DPP6: variants seen among roughly 807,000 people sequenced by gnomAD.
The protein encoded by DPP6 is dipeptidyl peptidase like 6, also known as A-type potassium channel modulatory protein DPP6.
Under a neutral mutation model 122.6 loss-of-function variants are expected in DPP6, and 69 were observed. The observed-to-expected ratio is 0.56, with a 90% CI of 0.46 to 0.69. The LOEUF (loss-of-function observed/expected upper bound fraction) is 0.69. Among genes scored for constraint, DPP6 ranks in the 30% least tolerant of loss-of-function variants. The pLI is 0.00. For synonymous variants in DPP6, 418 were observed against 433.1 expected, an observed-to-expected ratio of 0.97 and a Z score of 0.43; for missense variants, 928 against 1,116.9, an observed-to-expected ratio of 0.83 and a Z score of 2.41.
In DPP6 at chr7:154,608,319, T is replaced by TTATATATATATATATATATATATA. The variant is rs1563922092; in HGVS notation, c.628-29502_628-29501insTATATATATATATATATATATATA. Among the ~76,000 whole-genome samples the TTATATATATATATATATATATATA allele has an allele frequency of 9.8e-5, 8 of 81,378 alleles. No individual in the cohort carries two copies. In the Admixed American group the frequency reaches 1.2e-3, roughly 12 times the overall value. 53.4% of individuals were successfully genotyped at this position (81,378 alleles called of 152,430 possible). A position where few individuals can be genotyped will look rare whatever the true frequency, so the allele number is the denominator to read the frequency against. On this transcript the variant is annotated intron_variant, in intron 5 of 25. Coordinates refer to ENST00000377770, the MANE Select transcript of DPP6 (RefSeq NM_130797.4). The stretch of plus-strand genomic sequence containing the variant: ...CCATGCTTGCATTTTTTAGGAGTGA[T>TTATATATATATATATATATATATA]CATATATATATATATATATATATTT...
In DPP6 at chr7:154,220,141, A is replaced by G. The variant is rs535221392; in HGVS notation, c.243+167078A>G. Among the ~76,000 whole-genome samples the G allele has an allele frequency of 4.3e-4, 65 of 152,294 alleles. 1 individual carries two copies. Among genetic ancestry groups the G allele is most frequent in the Non-Finnish European group, 8.4e-4 (57 of 68,024 alleles). ...TGCCTATGTTGGCACTTAAACCCTA[A>G]TGTGATAGTATCAAGAGATGGGTCC... On this transcript the variant is annotated intron_variant, in intron 1 of 25. Coordinates refer to ENST00000377770, the MANE Select transcript of DPP6 (RefSeq NM_130797.4).
the DPP6 span, among the ~76,000 whole-genome samples, chr7:153,816,822 A>G: frequency 6.6e-6 from 1 of 151,874 alleles, no homozygotes; most frequent in East Asian, 1.9e-4. Flanking sequence ...GAGATTTGAC[A>G]CTAAGAGGGT....
intron 1 of DPP6, among the ~76,000 whole-genome samples, chr7:154,081,808 T>A (rs1203077622): frequency 6.6e-6 from 1 of 151,714 alleles, no homozygotes; most frequent in Non-Finnish European, 1.5e-5. Context: ...CAGTTCTAGT[T>A]TGTTATAGAA....
intron 1 of DPP6, among the ~76,000 whole-genome samples, chr7:154,392,147 C>T (rs1202380667): frequency 6.6e-6 from 1 of 152,058 alleles, no homozygotes; most frequent in Non-Finnish European, 1.5e-5. Context: ...GTGGCACACA[C>T]CTGTAATTTC....
At chr7:153,942,186 C>T (rs1357067978) in intron 1 of DPP6, among the ~76,000 whole-genome samples, 2 of 152,232 alleles carry the variant, frequency 1.3e-5, no homozygotes, top group Admixed American at 1.3e-4. Flanking sequence ...CAATTCACCG[C>T]TGCCTTTTTA....
chr7:154,319,285 A>G (rs1485020866), intron 1 of DPP6, among the ~76,000 whole-genome samples: 3 of 152,332 alleles, frequency 2.0e-5, no homozygotes, highest in South Asian at 2.1e-4. Context: ...CACAGGCGAG[A>G]TTTTTATTTT....
At chr7:154,700,038 C>T (rs1436837967) in intron 7 of DPP6, among the ~76,000 whole-genome samples, 2 of 152,120 alleles carry the variant, frequency 1.3e-5, no homozygotes, top group Non-Finnish European at 2.9e-5. Flanking sequence ...ATAATAATGC[C>T]TATTTCATAG....
intron 1 of DPP6, among the ~76,000 whole-genome samples, chr7:154,314,493 T>C (rs1008752726): frequency 6.6e-6 from 1 of 152,228 alleles, no homozygotes; most frequent in Non-Finnish European, 1.5e-5. Context: ...TTTGGACTTT[T>C]GTTTTAGTAA....
chr7:154,284,675 T>C (rs891550259), intron 1 of DPP6, among the ~76,000 whole-genome samples: 2 of 152,128 alleles, frequency 1.3e-5, no homozygotes, highest in African/African-American at 4.8e-5. Flanking sequence ...ACCAAGATGG[T>C]GAAACCCTGT....
intron 1 of DPP6, among the ~76,000 whole-genome samples, chr7:154,139,069 G>A (rs937236582): frequency 1.2e-4 from 18 of 151,862 alleles, no homozygotes; most frequent in Non-Finnish European, 2.4e-4. Context: ...AGGTGTACAA[G>A]TCAGGGTTCT....
At chr7:153,886,112 T>TAC (rs60245538), upstream of DPP6, among the ~76,000 whole-genome samples, 8,835 of 140,322 alleles carry the variant, frequency 0.063, 311 homozygotes, top group African/African-American at 0.09. Context: ...GGCACGCCCT[T>TAC]ACACACACAC....
intron 10 of DPP6, among the ~76,000 whole-genome samples, chr7:154,774,928 T>C (rs1275576515): frequency 1.3e-5 from 2 of 152,200 alleles, no homozygotes; most frequent in Non-Finnish European, 2.9e-5. Context: ...GGTGGCAGTG[T>C]CACGGCTGAG....
chr7:154,060,719 G>GA (rs1801687812), intron 1 of DPP6, among the ~76,000 whole-genome samples: 1 of 123,252 alleles, frequency 8.1e-6, no homozygotes, highest in Admixed American at 7.9e-5. Flanking sequence ...CATCGCAGGG[G>GA]GGGAGGCACC....
the DPP6 span, among the ~76,000 whole-genome samples, chr7:153,856,637 G>A: frequency 6.6e-6 from 1 of 152,174 alleles, no homozygotes; most frequent in Non-Finnish European, 1.5e-5. Flanking sequence ...GCAGTTTACT[G>A]TGAGTTTACT....
intron 1 of DPP6, among the ~76,000 whole-genome samples, chr7:153,939,711 A>G (rs942463816): frequency 2.6e-5 from 4 of 152,244 alleles, no homozygotes; most frequent in Non-Finnish European, 4.4e-5. Context: ...AGGGAACTCC[A>G]TGCTCTCATA....
chr7:153,963,928 TG>T (rs1795491601), intron 1 of DPP6, among the ~76,000 whole-genome samples: 1 of 152,184 alleles, frequency 6.6e-6, no homozygotes, highest in South Asian at 2.1e-4. Context: ...CAGAGGTGAC[TG>T]ATGAGGACAC....
chr7:153,843,159 TGTGCATACACACACGA>T, the DPP6 span, among the ~76,000 whole-genome samples: 6 of 150,396 alleles, frequency 4.0e-5, no homozygotes, highest in East Asian at 2.0e-4. Flanking sequence ...CATGCACATA[TGTGCATACACACACGA>T]GTGCATACAC....
At chr7:154,880,443 G>A (rs1392443070) in intron 20 of DPP6, among the ~76,000 whole-genome samples, 2 of 152,248 alleles carry the variant, frequency 1.3e-5, no homozygotes, top group African/African-American at 4.8e-5. Context: ...GGGTCTCACT[G>A]GCTTGACTCT....
intron 23 of DPP6, 44 bp downstream of exon 23, chr7:154,887,778 C>T (rs1480570168): frequency 1.9e-6 from 3 of 1,609,258 alleles, no homozygotes; most frequent in Non-Finnish European, 2.6e-6. Flanking sequence ...ACCAGTCAGC[C>T]TCTGCCACAG....
Sources: gnomAD v4.1 joint callset for allele counts (sites outside exome capture counted in the v4.1 genomes callset) on GRCh38, gnomAD v4.1.1 for gene constraint, MANE v1.5 for transcripts, NCBI Gene and HGNC (gene_info 2026-07-23, HGNC 2026-07-21) for gene names.